Variants in WWP2 observed in about 807,000 individuals in gnomAD.
WWP2 encodes the protein WW domain containing E3 ubiquitin protein ligase 2.
Under a neutral mutation model 121.0 loss-of-function variants are expected in WWP2, and 57 were observed. The ratio of observed to expected loss-of-function variants is 0.47; its 90% confidence interval spans 0.38 to 0.59. The LOEUF (loss-of-function observed/expected upper bound fraction) is 0.59, where lower values mean the gene tolerates loss of function less well. WWP2 is among the 20% of genes least tolerant of loss of function. The pLI is 0.00. For synonymous variants in WWP2, 449 were observed against 441.3 expected, an observed-to-expected ratio of 1.02 and a Z score of -0.22; for missense variants, 962 against 1,158.9, an observed-to-expected ratio of 0.83 and a Z score of 2.47.
At chr16:69,769,209 C>T (rs998117120) in intron 1 of WWP2, among the ~76,000 whole-genome samples, 3 of 150,486 alleles carry the variant, frequency 2.0e-5, no homozygotes, top group Admixed American at 6.7e-5. Flanking sequence ...CCCCGCTACT[C>T]GGAAGGCTGA....
At chr16:69,779,447 T>C (rs2055616487) in intron 1 of WWP2, among the ~76,000 whole-genome samples, 1 of 152,254 alleles carries the variant, frequency 6.6e-6, no homozygotes, top group Admixed American at 6.5e-5. Context: ...AACATGGTGA[T>C]GTTTTATCTA....
chr16:69,934,234 A>G, intron 17 of WWP2, 105 bp downstream of exon 17: 1 of 1,431,686 alleles, frequency 7.0e-7, no homozygotes. Flanking sequence ...TCTTTCTCTG[A>G]GACCTCCAGG....
At chr16:69,932,688 T>C (rs1567442688) in intron 16 of WWP2, among the ~76,000 whole-genome samples, 1 of 152,186 alleles carries the variant, frequency 6.6e-6, no homozygotes, top group Non-Finnish European at 1.5e-5. Context: ...CACAGGGCCT[T>C]GAGCAGGGCT....
chr16:69,875,450 G>A (rs1474813457), intron 7 of WWP2, among the ~76,000 whole-genome samples: 1 of 152,206 alleles, frequency 6.6e-6, no homozygotes, highest in Non-Finnish European at 1.5e-5. Context: ...AGCATCAGTT[G>A]ACTCTCCCTT....
chr16:69,854,045 A>G (rs1026959144), intron 6 of WWP2, among the ~76,000 whole-genome samples: 1 of 152,256 alleles, frequency 6.6e-6, no homozygotes, highest in Non-Finnish European at 1.5e-5. Context: ...TATTCCTGAC[A>G]GTGAACCACA....
intron 10 of WWP2, among the ~76,000 whole-genome samples, chr16:69,919,503 C>T (rs1219520051): frequency 6.6e-6 from 1 of 152,154 alleles, no homozygotes; most frequent in Non-Finnish European, 1.5e-5. Context: ...TGTGGGTGCT[C>T]TGGTTTCAAA....
chr16:69,871,983 C>A, intron 7 of WWP2, 52 bp downstream of exon 7: 1 of 1,573,004 alleles, frequency 6.4e-7, no homozygotes, highest in South Asian at 1.1e-5. Context: ...GGCTCTCACC[C>A]GTTCTAACGT....
intron 4 of WWP2, among the ~76,000 whole-genome samples, chr16:69,820,825 T>TACACAC (rs34214656): frequency 3.7e-4 from 54 of 144,170 alleles, no homozygotes; most frequent in Middle Eastern, 3.5e-3. Flanking sequence ...TACATGCATA[T>TACACAC]ACACACACAC....
Position 69,799,391 on chromosome 16 carries a change from G to A in WWP2, c.340+96G>A. On this transcript the variant is annotated intron_variant, in intron 4 of 23. Transcript: ENST00000359154. This position sits in a 1 kb window ranked among gnomAD's most constrained non-coding sequence, Gnocchi z 4.5. ...TATTGCAATTTCCCCCAGGACTAGGGGCTGCAGTACCTCTGTTCTCCTTGG... is the reference window on the plus strand; with the variant it reads ...TATTGCAATTTCCCCCAGGACTAGGAGCTGCAGTACCTCTGTTCTCCTTGG... 1 of 1,495,854 alleles carries A rather than the reference G, an allele frequency of 6.7e-7. No individual in the cohort carries two copies. The highest frequency in any genetic ancestry group is 2.3e-5 in the East Asian group (1 of 42,570). 92.7% of individuals were successfully genotyped at this position (1,495,854 alleles called of 1,614,324 possible).
intron 4 of WWP2, among the ~76,000 whole-genome samples, chr16:69,811,037 G>A (rs2056382388): frequency 6.6e-6 from 1 of 152,176 alleles, no homozygotes; most frequent in Admixed American, 6.5e-5. Context: ...TTATAGGTAT[G>A]AGCCACCATG....
In WWP2 at chr16:69,935,106, C is replaced by T. The variant is rs1247598934; in HGVS notation, c.1843-747C>T. Among the ~76,000 whole-genome samples, 5 of 152,192 alleles carry T rather than the reference C, an allele frequency of 3.3e-5. No homozygotes were observed. The highest frequency in any genetic ancestry group is 2.1e-4 in the South Asian group (1 of 4,826). ...AGCGTGGAGAACCCGGATTGAGAAGCGGAGCCCGTGGGAGGCACAGCGCGG... is the reference window on the plus strand; with the variant it reads ...AGCGTGGAGAACCCGGATTGAGAAGTGGAGCCCGTGGGAGGCACAGCGCGG... On this transcript the variant is annotated intron_variant, in intron 17 of 23. Transcript: ENST00000359154. This position sits in a 1 kb window ranked among gnomAD's most constrained non-coding sequence, Gnocchi z 5.2.
intron 6 of WWP2, among the ~76,000 whole-genome samples, chr16:69,849,659 A>G (rs1169824418): frequency 2.0e-5 from 3 of 152,088 alleles, no homozygotes; most frequent in South Asian, 4.1e-4. Flanking sequence ...AAAAGTAATC[A>G]TGGCTGGGCA....
intron 1 of WWP2, among the ~76,000 whole-genome samples, chr16:69,773,772 A>G (rs1475441090): frequency 1.3e-5 from 2 of 152,162 alleles, no homozygotes; most frequent in Non-Finnish European, 2.9e-5. Flanking sequence ...ATGAGCCACT[A>G]CACCCAGCTG....
chr16:69,832,709 A>T (rs920307774), intron 4 of WWP2, among the ~76,000 whole-genome samples: 3 of 151,982 alleles, frequency 2.0e-5, no homozygotes, highest in Non-Finnish European at 2.9e-5. Flanking sequence ...ACACCTGGCT[A>T]ATTTTTGTAT....
At chr16:69,808,844 C>T (rs1461126181) in intron 4 of WWP2, among the ~76,000 whole-genome samples, 1 of 152,206 alleles carries the variant, frequency 6.6e-6, no homozygotes, top group Non-Finnish European at 1.5e-5. Flanking sequence ...ACTCTCAGGA[C>T]ATGTATTTTG....
At chr16:69,839,429 T>C (rs549289663) in intron 4 of WWP2, among the ~76,000 whole-genome samples, 12 of 152,292 alleles carry the variant, frequency 7.9e-5, no homozygotes, top group South Asian at 4.1e-4. Flanking sequence ...TGCCTAGGGC[T>C]TGGTGCTTCT....
At chr16:69,802,055 G>A (rs971907461) in intron 4 of WWP2, among the ~76,000 whole-genome samples, 2 of 151,132 alleles carry the variant, frequency 1.3e-5, no homozygotes, top group African/African-American at 4.9e-5. Context: ...TCAGCCTCCC[G>A]AGTAGCTGGG....
At chr16:69,920,638 A>G (rs2058546666) in intron 10 of WWP2, among the ~76,000 whole-genome samples, 2 of 151,502 alleles carry the variant, frequency 1.3e-5, no homozygotes, top group Non-Finnish European at 2.9e-5. Flanking sequence ...AAAAAAATGG[A>G]ACCGAATGTT....
chr16:69,933,251 A>T, intron 16 of WWP2: 1 of 413,804 alleles, frequency 2.4e-6, no homozygotes, highest in Non-Finnish European at 5.1e-6. Flanking sequence ...CCCCCTTGGG[A>T]CATCCCCTTG....
Sources: allele counts gnomAD v4.1 joint callset (sites outside exome capture counted in the v4.1 genomes callset), GRCh38; gene constraint gnomAD v4.1.1; non-coding constraint Gnocchi (gnomAD v3.1); transcripts MANE v1.5; gene names NCBI Gene and HGNC (gene_info 2026-07-23, HGNC 2026-07-21).